ST6GAL2: variants seen among roughly 807,000 people sequenced by gnomAD.
The protein encoded by ST6GAL2 is beta-galactoside alpha-2,6-sialyltransferase 2.
A neutral mutation model predicts 37.5 loss-of-function variants in ST6GAL2; 24 were observed. The observed-to-expected ratio is 0.64, with a 90% confidence interval of 0.46 to 0.90. The LOEUF (loss-of-function observed/expected upper bound fraction) is 0.90. Among genes scored for constraint, ST6GAL2 ranks in the 40% least tolerant of loss-of-function variants. The pLI is 0.00. For synonymous variants in ST6GAL2, 306 were observed against 295.1 expected, an observed-to-expected ratio of 1.04 and a Z score of -0.38; for missense variants, 715 against 712.7, an observed-to-expected ratio of 1.00 and a Z score of -0.04.
chr2:106,856,007 C>A (rs2889707), intron 1 of ST6GAL2, among the ~76,000 whole-genome samples: 7 of 152,022 alleles, frequency 4.6e-5, no homozygotes, highest in Non-Finnish European at 1.0e-4. Flanking sequence ...GATTACAATC[C>A]TGACTTTTAC....
chr2:106,869,784 T>G (rs968032543), intron 1 of ST6GAL2, among the ~76,000 whole-genome samples: 9 of 152,314 alleles, frequency 5.9e-5, no homozygotes, highest in African/African-American at 2.2e-4. Flanking sequence ...AGGGGACACC[T>G]GTTGGCTGTT....
At chr2:106,807,775 C>T (rs2104409615) in intron 5 of ST6GAL2, among the ~76,000 whole-genome samples, 1 of 152,120 alleles carries the variant, frequency 6.6e-6, no homozygotes, top group Non-Finnish European at 1.5e-5. Flanking sequence ...CAGGCGCCCA[C>T]CACCACGCCC....
At chr2:106,881,129 G>A (rs1678732931) in intron 1 of ST6GAL2, among the ~76,000 whole-genome samples, 1 of 152,078 alleles carries the variant, frequency 6.6e-6, no homozygotes, top group East Asian at 1.9e-4. Context: ...GGGACTACAG[G>A]TGCATGCCCT....
intron 5 of ST6GAL2, among the ~76,000 whole-genome samples, chr2:106,817,415 G>A (rs958992401): frequency 3.9e-5 from 6 of 152,212 alleles, no homozygotes; most frequent in African/African-American, 1.4e-4. Context: ...ATAGAGTCCT[G>A]AGGCCCCCAT....
intron 1 of ST6GAL2, among the ~76,000 whole-genome samples, chr2:106,858,398 A>G (rs1275484120): frequency 2.0e-5 from 3 of 152,168 alleles, no homozygotes; most frequent in Non-Finnish European, 4.4e-5. Context: ...CTTTTACCCT[A>G]CAACCTTCCT....
chr2:106,824,569 T>C (rs1406644573), intron 5 of ST6GAL2, among the ~76,000 whole-genome samples: 1 of 152,098 alleles, frequency 6.6e-6, no homozygotes, highest in East Asian at 1.9e-4. Context: ...GAGGCAGAGG[T>C]TGCAGTGAGC....
chr2:106,864,807 A>G (rs1485444301), intron 1 of ST6GAL2, among the ~76,000 whole-genome samples: 1 of 152,190 alleles, frequency 6.6e-6, no homozygotes, highest in East Asian at 1.9e-4. Flanking sequence ...CACACTTTCT[A>G]ATGGGTTCTC....
intron 5 of ST6GAL2, among the ~76,000 whole-genome samples, chr2:106,828,310 G>A (rs1200492263): frequency 1.3e-5 from 2 of 152,088 alleles, no homozygotes; most frequent in Non-Finnish European, 2.9e-5. Flanking sequence ...ATCCTATTAT[G>A]CTGTCTAGGC....
intron 4 of ST6GAL2, among the ~76,000 whole-genome samples, chr2:106,830,636 T>TA (rs1280126602): frequency 1.3e-5 from 2 of 152,182 alleles, no homozygotes; most frequent in Admixed American, 6.5e-5. Context: ...TGCTGTGTTC[T>TA]AAAAAAACAC....
chr2:106,829,976 C>G (rs1202069784), intron 5 of ST6GAL2, 90 bp downstream of exon 5: 2 of 1,253,886 alleles, frequency 1.6e-6, no homozygotes, highest in Non-Finnish European at 2.3e-6. Context: ...AAGGTATTTT[C>G]AACCTGTATA....
chr2:106,887,170 C>G (rs1553430674), upstream of ST6GAL2: 3 of 152,502 alleles, frequency 2.0e-5, no homozygotes, highest in Non-Finnish European at 4.4e-5. Flanking sequence ...GGGCTACCTG[C>G]GCGCCTGGCA....
chr2:106,833,778 T>A (rs1304034548), intron 3 of ST6GAL2, among the ~76,000 whole-genome samples: 1 of 152,186 alleles, frequency 6.6e-6, no homozygotes, highest in Non-Finnish European at 1.5e-5. Flanking sequence ...ATGCTAAGTC[T>A]ATGATTATAA....
At chr2:106,837,930 G>A (rs948967683) in intron 2 of ST6GAL2, among the ~76,000 whole-genome samples, 9 of 152,142 alleles carry the variant, frequency 5.9e-5, no homozygotes, top group African/African-American at 2.2e-4. Context: ...GCATGGAGAG[G>A]GCAGGGAGGC....
chr2:106,886,890 G>T (rs1205779215), upstream of ST6GAL2: 1 of 152,132 alleles, frequency 6.6e-6, no homozygotes, highest in South Asian at 2.1e-4. Flanking sequence ...GCTGCGTGGG[G>T]CGGTGCGGGG....
At chr2:106,825,492 TTATTA>T (rs1343130389) in intron 5 of ST6GAL2, among the ~76,000 whole-genome samples, 1 of 152,254 alleles carries the variant, frequency 6.6e-6, no homozygotes, top group Non-Finnish European at 1.5e-5. Context: ...GAATAAATGC[TTATTA>T]ATCTTTTTAG....
chr2:106,852,019 T>A (rs1331130897), intron 1 of ST6GAL2, among the ~76,000 whole-genome samples: 2 of 152,218 alleles, frequency 1.3e-5, no homozygotes, highest in Non-Finnish European at 2.9e-5. Flanking sequence ...AACACCCTTA[T>A]TGGCACTTTT....
chr2:106,861,915 G>A (rs976961172), intron 1 of ST6GAL2, among the ~76,000 whole-genome samples: 1 of 152,166 alleles, frequency 6.6e-6, no homozygotes, highest in African/African-American at 2.4e-5. Context: ...TTACAGGCAT[G>A]AGCCACCAAT....
chr2:106,820,812 T>C (rs1675975686), intron 5 of ST6GAL2, among the ~76,000 whole-genome samples: 1 of 151,760 alleles, frequency 6.6e-6, no homozygotes, highest in Admixed American at 6.6e-5. Flanking sequence ...AAAACTAGAA[T>C]TAACAAGAGG....
chr2:106,882,359 G>A (rs974320691), intron 1 of ST6GAL2, among the ~76,000 whole-genome samples: 2 of 152,144 alleles, frequency 1.3e-5, no homozygotes, highest in South Asian at 4.1e-4. Flanking sequence ...GTTCTGCCAA[G>A]GCACTTTACC....
Sources: gnomAD v4.1 joint callset for allele counts (sites outside exome capture counted in the v4.1 genomes callset) on GRCh38, gnomAD v4.1.1 for gene constraint, MANE v1.5 for transcripts, NCBI Gene and HGNC (gene_info 2026-07-23, HGNC 2026-07-21) for gene names.